The following PLXNB2 variants were observed in gnomAD, a reference collection of about 807,000 sequenced individuals.
PLXNB2 encodes the protein plexin B2, also known as plexin-B2.
A neutral mutation model predicts 202.6 loss-of-function variants in PLXNB2; 85 were observed. That is an observed-to-expected ratio of 0.42 (90% CI 0.35 to 0.50). The LOEUF (loss-of-function observed/expected upper bound fraction) is 0.50. Among genes scored for constraint, PLXNB2 ranks in the 20% least tolerant of loss-of-function variants. The pLI, the probability that PLXNB2 is intolerant of heterozygous loss-of-function variation, is 0.02. For synonymous variants in PLXNB2, 1,239 were observed against 1,137.6 expected, an observed-to-expected ratio of 1.09 and a Z score of -1.79; for missense variants, 2,063 against 2,586.2, an observed-to-expected ratio of 0.80 and a Z score of 4.39.
rs565034685 is a variant in PLXNB2, at chr22:50,276,197, G to A, written c.5338-234C>T. ...CCCTGTGTGACGCACGGCTGTGGAT[G>A]GACCCACAGGGACGGGTGCTGTGAG... On this transcript the variant is annotated intron_variant, in intron 35 of 36. Coordinates refer to ENST00000359337, the MANE Select transcript of PLXNB2 (RefSeq NM_012401.4). Among the ~76,000 whole-genome samples, 800 of 151,266 alleles carry A rather than the reference G, an allele frequency of 5.3e-3. 17 individuals carry two copies. The highest frequency in any genetic ancestry group is 0.019 in the African/African-American group (756 of 40,618).
rs1272722253 is a variant in PLXNB2, at chr22:50,287,278, C to T, written c.1609-14G>A. On this transcript the variant is annotated splice_polypyrimidine_tract_variant and intron_variant, in intron 7 of 36. Transcript: ENST00000359337. ...GGTCAGCTGCACCTGAGGGAGGGGC[C>T]GTGCCGCTCACACTGGGAACCCCGA... The T allele has an allele frequency of 6.8e-6, 10 of 1,474,242 alleles. No homozygotes were observed. Among genetic ancestry groups the T allele is most frequent in the Middle Eastern group, 1.8e-4 (1 of 5,630 alleles). The allele number at this position is 1,474,242 out of a possible 1,614,324, so 91.3% of individuals were successfully genotyped here.
intron 23 of PLXNB2, 45 bp from the exon 24 acceptor site, chr22:50,281,018 T>C: frequency 1.3e-6 from 2 of 1,591,530 alleles, no homozygotes; most frequent in South Asian, 1.1e-5. Context: ...CGTGGGGCCC[T>C]GACCCCCACG....
intron 35 of PLXNB2, 88 bp from the exon 36 acceptor site, chr22:50,276,051 C>A (rs2065534028): frequency 7.7e-7 from 1 of 1,298,360 alleles, no homozygotes; most frequent in Non-Finnish European, 1.1e-6. Flanking sequence ...CAGGACGAGG[C>A]CTCCCCGGGG....
Position 50,277,636 on chromosome 22 carries a change from C to A in PLXNB2, c.5151G>T (p.Gln1717His). The A allele has an allele frequency of 6.2e-7, 1 of 1,607,068 alleles. No homozygotes were observed. Residue 1717 changes from glutamine (Q) to histidine (H), a missense_variant, in exon 33 of 37, where the codon CAG (glutamine) becomes CAT (histidine). Around this residue, in one of 2 missense-constraint regions of PLXNB2, gnomAD observed 760 missense variants for 1,109.4 expected, o/e 0.69. Transcript: ENST00000359337. ...VVDASLSVIAQTFMDACTRTE... is the reference protein window; with the variant it reads ...VVDASLSVIAHTFMDACTRTE... ...TGCGCGTGCAGGCATCCATGAAGGT[C>A]TGCGCGATGACTGACAGCGAGGCGT...
chr22:50,283,990 A>G lies in PLXNB2; in HGVS notation c.2264T>C (p.Val755Ala). Reference sequence around the variant, plus strand: ...GCCAAAGGAGCAGTTGTAGAGGGTCACTGCGGGGAGAGCTGCCGTCAGTGG... The same window carrying G: ...GCCAAAGGAGCAGTTGTAGAGGGTCGCTGCGGGGAGAGCTGCCGTCAGTGG... Reference protein sequence around the residue: ...YGKNIDSKLHVTLYNCSFGRS... With the variant: ...YGKNIDSKLHATLYNCSFGRS... The change falls in exon 14 of 37, where the codon GTG becomes GCG. Residue 755 changes from valine to alanine, a missense_variant and splice_region_variant. Coordinates refer to ENST00000359337, the MANE Select transcript of PLXNB2 (RefSeq NM_012401.4). 6.5e-7 allele frequency: 1 copy of G among 1,539,628 alleles called. No individual in the cohort carries two copies. The highest frequency in any genetic ancestry group is 1.2e-5 in the South Asian group (1 of 84,022).
At position 50,280,824 on chromosome 22, in the gene PLXNB2, G is replaced by T; in HGVS notation, c.3913C>A (p.Pro1305Thr). ...DVMITGKLDI[P>T]EPRRPVVEQA... ...TCCACCACCGGCCGCCGCGGCTCAG[G>T]GATGTCCAGCTTGCCGGTGATCATC... Residue 1305 changes from proline to threonine, a missense_variant, in exon 24 of 37, where the codon CCT becomes ACT. Physicochemically the swap from Pro to Thr is conservative, Grantham distance 38. Around this residue, in one of 2 missense-constraint regions of PLXNB2, gnomAD observed 760 missense variants for 1,109.4 expected, o/e 0.69. Transcript: ENST00000359337. 1 of 1,613,312 alleles carries T rather than the reference G, an allele frequency of 6.2e-7. No individual in the cohort carries two copies. Among genetic ancestry groups the T allele is most frequent in the Non-Finnish European group, 8.5e-7 (1 of 1,179,936 alleles).
rs1387123207 is a variant in PLXNB2, at chr22:50,288,226, A to C, written c.1381-189T>G. On this transcript the variant is annotated intron_variant, in intron 5 of 36. Coordinates refer to ENST00000359337, the MANE Select transcript of PLXNB2 (RefSeq NM_012401.4). This position sits in a 1 kb window ranked among gnomAD's most constrained non-coding sequence, Gnocchi z 5.0. ...ATGCCTGGCCCAGGATCCCGATGGG[A>C]GCCCAGGGAAGCCTGGAGGTCTTGG... is the stretch of plus-strand genomic sequence containing the variant. Among the ~76,000 whole-genome samples the C allele has an allele frequency of 6.6e-6, 1 of 151,950 alleles. No individual in the cohort carries two copies. The highest frequency in any genetic ancestry group is 1.5e-5 in the Non-Finnish European group (1 of 67,972).
intron 11 of PLXNB2, among the ~76,000 whole-genome samples, chr22:50,285,492 G>A (rs1341174364): frequency 8.5e-5 from 2 of 23,622 alleles, no homozygotes; most frequent in African/African-American, 2.7e-4. Context: ...GCCTGTCACC[G>A]GCCGGCACCC....
intron 1 of PLXNB2, chr22:50,300,293 C>A: frequency 1.0e-6 from 1 of 985,362 alleles, no homozygotes; most frequent in African/African-American, 1.7e-5. Context: ...TCGGGCACAT[C>A]GGATCGCACA....
At chr22:50,279,473 G>A (rs2065839907) in intron 27 of PLXNB2, among the ~76,000 whole-genome samples, 157 bp downstream of exon 27, 5 of 152,148 alleles carry the variant, frequency 3.3e-5, no homozygotes, top group Non-Finnish European at 7.4e-5. Context: ...CAGCACCCAG[G>A]CCCCTCCCTG....
Position 50,290,302 on chromosome 22 carries a change from T to G in PLXNB2, c.283A>C (p.Asn95His). 6.2e-7 allele frequency: 1 copy of G among 1,612,052 alleles called. No individual in the cohort carries two copies. The highest frequency in any genetic ancestry group is 8.5e-7 in the Non-Finnish European group (1 of 1,180,010). ...SQCHEAEMTD[N>H]VNQLLLLDPP... ...TCGAGCAGCAGCAGCTGGTTGACAT[T>G]GTCAGTCATCTCAGCCTCATGGCAC... The change falls in exon 3 of 37, where the codon AAT (asparagine) becomes CAT (histidine). Residue 95 changes from asparagine to histidine, a missense_variant. Asn to His is a moderately conservative substitution (Grantham distance 68). Transcript: ENST00000359337.
chr22:50,281,226 G>A (rs560405939), intron 22 of PLXNB2, 37 bp from the exon 23 acceptor site: 2 of 1,587,200 alleles, frequency 1.3e-6, no homozygotes, highest in South Asian at 1.1e-5. Context: ...TTCTGCCGGG[G>A]CTGGCCGCTC....
intron 1 of PLXNB2, among the ~76,000 whole-genome samples, chr22:50,307,274 G>C (rs909114132): frequency 6.6e-6 from 1 of 152,068 alleles, no homozygotes; most frequent in Non-Finnish European, 1.5e-5. Flanking sequence ...AGGCAGGCGC[G>C]GAGGAGGGAT....
In PLXNB2 at chr22:50,275,671, C is replaced by A; in HGVS notation, c.*33G>T. On this transcript the variant is annotated 3_prime_UTR_variant, in exon 37 of 37. Transcript: ENST00000359337. ...GAGGGGCTCTCAGGTACCTCAGGTA[C>A]CTATGTCCCAAGGCAGCACTGGAGA... is the stretch of plus-strand genomic sequence containing the variant. 1.4e-6 allele frequency: 2 copies of A among 1,446,738 alleles called. No homozygotes were observed. Among genetic ancestry groups the A allele is most frequent in the Non-Finnish European group, 1.9e-6 (2 of 1,048,854 alleles). 89.6% of individuals were successfully genotyped at this position (1,446,738 alleles called of 1,614,324 possible). A position where few individuals can be genotyped will look rare whatever the true frequency, so the allele number is the denominator to read the frequency against.
chr22:50,275,673 T>C lies in PLXNB2; in HGVS notation c.*31A>G. ...GGGGCTCTCAGGTACCTCAGGTACC[T>C]ATGTCCCAAGGCAGCACTGGAGATT... On this transcript the variant is annotated 3_prime_UTR_variant, in exon 37 of 37. Coordinates refer to ENST00000359337, the MANE Select transcript of PLXNB2 (RefSeq NM_012401.4). 1 of 1,458,656 alleles carries C rather than the reference T, an allele frequency of 6.9e-7. No individual in the cohort carries two copies. Among genetic ancestry groups the C allele is most frequent in the Non-Finnish European group, 9.4e-7 (1 of 1,059,268 alleles). 90.4% of individuals were successfully genotyped at this position (1,458,656 alleles called of 1,614,324 possible).
chr22:50,290,053 C>T lies in PLXNB2; in HGVS notation c.532G>A (p.Asp178Asn). ...CGAGTGCTCACGATGATGCCGTTGT[C>T]GTGTGGCCCATTGCCTTTGCCCACA... ...LFVGKGNGPH[D>N]NGIIVSTRLL... is the part of the protein sequence containing the mutation. Residue 178 changes from aspartate (D) to asparagine (N), a missense_variant, in exon 3 of 37, where the codon GAC (aspartate) becomes AAC (asparagine). This residue lies in a region of PLXNB2 where 1,303 missense variants were observed against 1,476.8 expected (regional missense o/e 0.88). Transcript: ENST00000359337. The T allele has an allele frequency of 2.5e-6, 4 of 1,613,438 alleles. No individual in the cohort carries two copies. The highest frequency in any genetic ancestry group is 3.4e-6 in the Non-Finnish European group (4 of 1,180,030).
rs373806208 is a variant in PLXNB2 at position 50,289,062 on chromosome 22, G to A, written c.1149C>T (p.Ala383=). 246 of 1,606,462 alleles carry A rather than the reference G, an allele frequency of 1.5e-4. 1 individual carries two copies. Among genetic ancestry groups the A allele is most frequent in the Non-Finnish European group, 1.9e-4 (225 of 1,176,424 alleles). Residue 383 remains alanine, a synonymous_variant, in exon 4 of 37, where the codon GCC becomes GCT. Transcript: ENST00000359337. The surrounding 1 kb of genome is among the most constrained non-coding windows in gnomAD (Gnocchi z 8.0). ...LGSRDGLRGT[A]VLQRGGLNLT... ...GGTTCAGGCCTCCACGCTGCAGCAC[G>A]GCTGTGCCTCTGAGCCCGTCGCGGC...
rs775699976 is a variant in PLXNB2, at chr22:50,290,086, C to G, written c.499G>C (p.Val167Leu). Residue 167 changes from valine (V) to leucine (L), a missense_variant, in exon 3 of 37, where the codon GTG becomes CTG. Coordinates refer to ENST00000359337, the MANE Select transcript of PLXNB2 (RefSeq NM_012401.4). Reference sequence around the variant, plus strand: ...CCATTGCCTTTGCCCACAAACAGCACGCGGTCACCACCAGGACCCGTGGAG... The same window carrying G: ...CCATTGCCTTTGCCCACAAACAGCAGGCGGTCACCACCAGGACCCGTGGAG... Reference protein sequence around the residue: ...VSSTGPGGDRVLFVGKGNGPH... With the variant: ...VSSTGPGGDRLLFVGKGNGPH... The G allele has an allele frequency of 6.2e-7, 1 of 1,613,238 alleles. No individual in the cohort carries two copies. Among genetic ancestry groups the G allele is most frequent in the Non-Finnish European group, 8.5e-7 (1 of 1,180,012 alleles).
rs948160740 is a variant in PLXNB2, at chr22:50,288,492, A to G, written c.1380+251T>C. 1.3e-5 allele frequency among the ~76,000 whole-genome samples: 2 copies of G among 152,092 alleles called. No individual in the cohort carries two copies. Among genetic ancestry groups the G allele is most frequent in the African/African-American group, 4.8e-5 (2 of 41,412 alleles). ...ATCAGGACAGGGCAGAGGCGGGGCCAGAGGGAGAGACATGGTTGAGACCAC... is the reference window on the plus strand; with the variant it reads ...ATCAGGACAGGGCAGAGGCGGGGCCGGAGGGAGAGACATGGTTGAGACCAC... On this transcript the variant is annotated intron_variant, in intron 5 of 36. Transcript: ENST00000359337. The surrounding 1 kb of genome is among the most constrained non-coding windows in gnomAD (Gnocchi z 5.0).
Sources: allele counts gnomAD v4.1 joint callset (sites outside exome capture counted in the v4.1 genomes callset), GRCh38; gene constraint gnomAD v4.1.1; regional missense constraint gnomAD v4.1.1; non-coding constraint Gnocchi (gnomAD v3.1); transcripts MANE v1.5; gene names NCBI Gene and HGNC (gene_info 2026-07-23, HGNC 2026-07-21).